APBB1IP: variants seen among roughly 807,000 people sequenced by gnomAD.
APBB1IP encodes amyloid beta precursor protein binding family B member 1 interacting protein, also known as amyloid beta A4 precursor protein-binding family B member 1-interacting protein.
Under a neutral mutation model 64.9 loss-of-function variants are expected in APBB1IP, and 27 were observed. That is an observed-to-expected ratio of 0.42 (90% CI 0.31 to 0.57). The LOEUF is 0.57. APBB1IP is among the 20% of genes least tolerant of loss of function. The probability of loss-of-function intolerance (pLI) is 0.20; values close to 1 mark genes in which losing one functional copy is unlikely to be tolerated. For missense variants in APBB1IP, 812 were observed against 845.5 expected (o/e 0.96, Z 0.49); for synonymous variants, 392 against 331.0 (o/e 1.18, Z -2.00).
At chr10:26,481,997 A>C (rs2132422923) in intron 2 of APBB1IP, among the ~76,000 whole-genome samples, 1 of 152,252 alleles carries the variant, frequency 6.6e-6, no homozygotes, top group African/African-American at 2.4e-5. Flanking sequence ...TTTTGCCATG[A>C]CAATATTGCT....
At chr10:26,510,734 T>TCTCTCACACACACACA (rs375916170) in intron 6 of APBB1IP, among the ~76,000 whole-genome samples, 1 of 135,892 alleles carries the variant, frequency 7.4e-6, no homozygotes, top group Non-Finnish European at 1.6e-5. Context: ...AGACCCTGTC[T>TCTCTCACACACACACA]CACACACACA....
At chr10:26,546,536 T>G (rs1263288643) in intron 11 of APBB1IP, among the ~76,000 whole-genome samples, 1 of 152,190 alleles carries the variant, frequency 6.6e-6, no homozygotes, top group East Asian at 1.9e-4. Context: ...AGCACAAACG[T>G]TTATCATAAA....
At chr10:26,507,153 T>C (rs955254769) in intron 6 of APBB1IP, among the ~76,000 whole-genome samples, 2 of 151,908 alleles carry the variant, frequency 1.3e-5, no homozygotes, top group Admixed American at 6.6e-5. Context: ...GGGAAACCAT[T>C]TGAGGGTTTT....
intron 3 of APBB1IP, 118 bp downstream of exon 3, chr10:26,492,516 C>T (rs1178731509): frequency 2.8e-5 from 24 of 851,208 alleles, no homozygotes; most frequent in South Asian, 8.2e-5. Context: ...AACCAGCCCC[C>T]GATATTTCAA....
At chr10:26,499,124 G>A (rs1224390248) in intron 4 of APBB1IP, among the ~76,000 whole-genome samples, 1 of 152,000 alleles carries the variant, frequency 6.6e-6, no homozygotes, top group East Asian at 1.9e-4. Context: ...AAATTAGCCA[G>A]GCATGCTCGT....
In APBB1IP at chr10:26,502,896, G is replaced by A. The variant is rs547791562; in HGVS notation, c.454-301G>A. Among the ~76,000 whole-genome samples the A allele has an allele frequency of 3.6e-4, 55 of 152,240 alleles. 3 individuals carry two copies. The South Asian group carries it at 0.011, about 29-fold the overall frequency. ...TTAAAGTCATCATTTCATCTTTTAAGTTACCATTCCCAAGCTATAAAGAGT... is the reference window on the plus strand; with the variant it reads ...TTAAAGTCATCATTTCATCTTTTAAATTACCATTCCCAAGCTATAAAGAGT... On this transcript the variant is annotated intron_variant, in intron 5 of 14. Transcript: ENST00000376236.
chr10:26,439,809 G>A (rs1381421415), intron 2 of APBB1IP, among the ~76,000 whole-genome samples: 2 of 152,180 alleles, frequency 1.3e-5, no homozygotes, highest in African/African-American at 2.4e-5. Context: ...AAACAAAGGT[G>A]CCGGTACTAG....
chr10:26,446,027 C>T (rs755838767), intron 2 of APBB1IP, among the ~76,000 whole-genome samples: 3 of 152,196 alleles, frequency 2.0e-5, no homozygotes, highest in Non-Finnish European at 4.4e-5. Context: ...GGCAGAAGTT[C>T]AGTCTTTCAA....
chr10:26,567,473 A>G lies in APBB1IP; in HGVS notation c.1986A>G (p.Arg662=). Residue 662 remains arginine, a synonymous_variant, in exon 15 of 15, where the codon AGA becomes AGG. Transcript: ENST00000376236. ...TCATGAAAGCTTTGCAAAAGAAGAG[A>G]GGCAACGTGTCCTAGGGACGGGCAT... is the stretch of plus-strand genomic sequence containing the variant. ...SDLMKALQKK[R]GNVS 6.3e-7 allele frequency: 1 copy of G among 1,584,894 alleles called. No individual in the cohort carries two copies. Among genetic ancestry groups the G allele is most frequent in the Non-Finnish European group, 8.6e-7 (1 of 1,160,442 alleles).
At chr10:26,516,310 T>C (rs1836326665) in intron 8 of APBB1IP, among the ~76,000 whole-genome samples, 1 of 151,590 alleles carries the variant, frequency 6.6e-6, no homozygotes, top group Non-Finnish European at 1.5e-5. Context: ...ATCCAGCACT[T>C]TGGGAGGCTG....
chr10:26,522,466 C>CT (rs968146507), intron 8 of APBB1IP, among the ~76,000 whole-genome samples: 2 of 151,850 alleles, frequency 1.3e-5, no homozygotes, highest in African/African-American at 2.4e-5. Flanking sequence ...TATATTGTTC[C>CT]TTTTTTTTCC....
chr10:26,455,579 G>A (rs1835515642), intron 2 of APBB1IP, among the ~76,000 whole-genome samples: 1 of 151,892 alleles, frequency 6.6e-6, no homozygotes, highest in Admixed American at 6.6e-5. Flanking sequence ...CGTTAACTTA[G>A]TAAAGTTACG....
At position 26,559,996 on chromosome 10, in the gene APBB1IP, A is replaced by G. The variant is rs1037745258; in HGVS notation, c.1156-109A>G. On this transcript the variant is annotated intron_variant, in intron 11 of 14. Coordinates refer to ENST00000376236, the MANE Select transcript of APBB1IP (RefSeq NM_019043.4). ...AACATTACAACCAGTAATTTTTGCC[A>G]CATAAATCACATATATTGTTAGAGA... 9 of 865,728 alleles carry G rather than the reference A, an allele frequency of 1.0e-5. No individual in the cohort carries two copies. The East Asian group carries it at 1.5e-4, about 14-fold the overall frequency. 53.6% of individuals were successfully genotyped at this position (865,728 alleles called of 1,614,324 possible). A position where few individuals can be genotyped will look rare whatever the true frequency, so the allele number is the denominator to read the frequency against.
chr10:26,566,991 G>C lies in APBB1IP; in HGVS notation c.1504G>C (p.Asp502His). ...GAAGCCAGCCCTCGGGAACCACCAC[G>C]ACCCGGCAGTGCCCCGGGCCCCGCA... ...DKKPALGNHH[D>H]PAVPRAPHAP... The change falls in exon 15 of 15, where the codon GAC becomes CAC. Residue 502 changes from aspartate to histidine, a missense_variant. By Grantham distance (81) the Asp-to-His change is moderately conservative. Around this residue, in one of 3 missense-constraint regions of APBB1IP, gnomAD observed 381 missense variants for 352.1 expected, o/e 1.08. Transcript: ENST00000376236. 6.3e-7 allele frequency: 1 copy of C among 1,579,928 alleles called. No homozygotes were observed. Among genetic ancestry groups the C allele is most frequent in the Non-Finnish European group, 8.5e-7 (1 of 1,171,962 alleles).
At chr10:26,453,281 A>T (rs1835485024) in intron 2 of APBB1IP, among the ~76,000 whole-genome samples, 1 of 152,178 alleles carries the variant, frequency 6.6e-6, no homozygotes, top group Admixed American at 6.5e-5. Flanking sequence ...GTGTGTTTAC[A>T]GGAGGAGAAA....
chr10:26,552,803 G>A (rs185362536), intron 11 of APBB1IP, among the ~76,000 whole-genome samples: 2 of 152,074 alleles, frequency 1.3e-5, no homozygotes, highest in African/African-American at 2.4e-5. Context: ...GAACCACATC[G>A]TCAGCCACTC....
intron 2 of APBB1IP, among the ~76,000 whole-genome samples, chr10:26,477,176 A>G (rs565653614): frequency 6.6e-6 from 1 of 152,124 alleles, no homozygotes; most frequent in Non-Finnish European, 1.5e-5. Context: ...TGATCAATTC[A>G]TCTTGATTTT....
At chr10:26,542,711 C>G (rs965318469) in intron 11 of APBB1IP, among the ~76,000 whole-genome samples, 5 of 151,784 alleles carry the variant, frequency 3.3e-5, no homozygotes, top group Admixed American at 3.3e-4. Flanking sequence ...GGTTGAAATT[C>G]TTGGCTTTAT....
chr10:26,557,243 T>C (rs1836905641), intron 11 of APBB1IP, among the ~76,000 whole-genome samples: 1 of 152,178 alleles, frequency 6.6e-6, no homozygotes, highest in Non-Finnish European at 1.5e-5. Context: ...CCAGCAGCCA[T>C]TCAAAAGTGT....
Sources: allele counts gnomAD v4.1 joint callset (sites outside exome capture counted in the v4.1 genomes callset), GRCh38; gene constraint gnomAD v4.1.1; regional missense constraint gnomAD v4.1.1; transcripts MANE v1.5; gene names NCBI Gene and HGNC (gene_info 2026-07-23, HGNC 2026-07-21).